Variants in ZNF717 observed in about 807,000 individuals in gnomAD.
ZNF717 encodes the protein krueppel-like factor X17.
ZNF717 carries 9 observed loss-of-function variants against 13.8 expected under a neutral mutation model. That is an observed-to-expected ratio of 0.65 (90% CI 0.39 to 1.14). The LOEUF (loss-of-function observed/expected upper bound fraction) is 1.14, where lower values mean the gene tolerates loss of function less well. Among genes scored for constraint, ZNF717 ranks in the 50% most tolerant of loss-of-function variants. The pLI is 0.01. For synonymous variants in ZNF717, 327 were observed against 364.1 expected (o/e 0.90, Z 1.16); for missense variants, 1,040 against 1,080.7 (o/e 0.96, Z 0.53).
chr3:75,719,629 A>T (rs1350794967), intron 4 of ZNF717, among the ~76,000 whole-genome samples: 3 of 152,188 alleles, frequency 2.0e-5, no homozygotes, highest in African/African-American at 7.2e-5. Context: ...GCCAGGAAGG[A>T]AAAGTATTAA....
chr3:75,731,130 A>G (rs1467724140), downstream of ZNF717, among the ~76,000 whole-genome samples: 2 of 152,060 alleles, frequency 1.3e-5, no homozygotes, highest in Non-Finnish European at 2.9e-5. Context: ...TAACCCCAGC[A>G]CTTCGGGAGC....
At chr3:75,785,333 C>T (rs545287184) in intron 1 of ZNF717, 51 bp downstream of exon 1, 4 of 153,226 alleles carry the variant, frequency 2.6e-5, no homozygotes, top group Non-Finnish European at 4.4e-5. Context: ...GCTTCACTGC[C>T]GGGACCCCAC....
chr3:75,765,035 A>ATATG (rs1559662069), intron 2 of ZNF717, among the ~76,000 whole-genome samples: 1 of 81,784 alleles, frequency 1.2e-5, no homozygotes, highest in South Asian at 3.7e-4. Context: ...ATATATGTAT[A>ATATG]TGTGTGTGTG....
chr3:75,737,670 T>G lies in ZNF717; in HGVS notation c.1953A>C (p.Glu651Asp). Residue 651 changes from glutamate to aspartate, a missense_variant, in exon 5 of 5, where the codon GAA (glutamate) becomes GAC (aspartate). Physicochemically the swap from Glu to Asp is conservative, Grantham distance 45. Around this residue, in one of 3 missense-constraint regions of ZNF717, gnomAD observed 873 missense variants for 832.8 expected, o/e 1.05. Transcript: ENST00000652011. ...ACTTGCGATGAAAGGTTTTTCCACA[T>G]TCATTACATACGTAAGGTTTCTCTC... Reference protein sequence around the residue: ...HTGEKPYVCNECGKTFHRKSF... With the variant: ...HTGEKPYVCNDCGKTFHRKSF... 3 of 583,246 alleles carry G rather than the reference T, an allele frequency of 5.1e-6. No homozygotes were observed. The highest frequency in any genetic ancestry group is 6.5e-6 in the Non-Finnish European group (3 of 462,612). 36.1% of individuals were successfully genotyped at this position (583,246 alleles called of 1,614,324 possible). A position where few individuals can be genotyped will look rare whatever the true frequency, so the allele number is the denominator to read the frequency against.
Position 75,738,960 on chromosome 3 carries a change from C to A in ZNF717, c.663G>T (p.Glu221Asp). The stretch of plus-strand genomic sequence containing the variant: ...CCCTCTTATGTATAAAGAACATTGC[C>A]TCCGTGTTGAAGGTTTTCCCTTGTT... Reference protein sequence around the residue: ...CNEQGKTFNTEAMFFIHKRVH... With the variant: ...CNEQGKTFNTDAMFFIHKRVH... The change falls in exon 5 of 5, where the codon GAG becomes GAT. Residue 221 changes from glutamate (E) to aspartate (D), a missense_variant. Glu to Asp is a conservative substitution (Grantham distance 45). Coordinates refer to ENST00000652011, the MANE Select transcript of ZNF717 (RefSeq NM_001290208.3). The A allele has an allele frequency of 6.4e-7, 1 of 1,551,550 alleles. No homozygotes were observed. The highest frequency in any genetic ancestry group is 8.7e-7 in the Non-Finnish European group (1 of 1,146,952).
At chr3:75,766,966 C>T (rs1454375460) in intron 2 of ZNF717, among the ~76,000 whole-genome samples, 1 of 152,270 alleles carries the variant, frequency 6.6e-6, no homozygotes, top group African/African-American at 2.4e-5. Flanking sequence ...TTCTGGTAGA[C>T]TAAAGGTGAC....
intron 2 of ZNF717, among the ~76,000 whole-genome samples, chr3:75,774,192 A>G (rs1488136053): frequency 6.6e-6 from 1 of 150,868 alleles, no homozygotes; most frequent in Non-Finnish European, 1.5e-5. Context: ...AAACTACCAA[A>G]AAAAAAAAAA....
chr3:75,700,868 C>A (rs1450382484), intron 6 of ZNF717, among the ~76,000 whole-genome samples: 2 of 152,304 alleles, frequency 1.3e-5, no homozygotes, highest in African/African-American at 2.4e-5. Flanking sequence ...CTCTTTAGGG[C>A]ATTGGTTTGG....
downstream of ZNF717, among the ~76,000 whole-genome samples, chr3:75,709,466 G>A (rs796408827): frequency 6.6e-6 from 1 of 152,112 alleles, no homozygotes; most frequent in Non-Finnish European, 1.5e-5. Context: ...GATTTGGAGA[G>A]GGCAAACACC....
downstream of ZNF717, among the ~76,000 whole-genome samples, chr3:75,728,188 C>T (rs1575726583): frequency 6.6e-6 from 1 of 151,846 alleles, no homozygotes; most frequent in Non-Finnish European, 1.5e-5. Flanking sequence ...AAAAATATTG[C>T]TTAGTAAGCA....
At chr3:75,784,642 T>C (rs1313613411) in intron 1 of ZNF717, 2 of 152,262 alleles carry the variant, frequency 1.3e-5, no homozygotes, top group Non-Finnish European at 2.9e-5. Flanking sequence ...TCCTAGGTCC[T>C]TGCCTGTTCT....
intron 2 of ZNF717, among the ~76,000 whole-genome samples, chr3:75,754,858 G>C (rs1225689247): frequency 6.6e-6 from 1 of 151,848 alleles, no homozygotes; most frequent in African/African-American, 2.4e-5. Flanking sequence ...ACACCAGGCA[G>C]GATAAATGCC....
intron 2 of ZNF717, among the ~76,000 whole-genome samples, chr3:75,763,335 T>C (rs1943180755): frequency 6.6e-6 from 1 of 152,262 alleles, no homozygotes; most frequent in African/African-American, 2.4e-5. Context: ...TTCTTACTGG[T>C]TGAGCATCTC....
At chr3:75,716,148 T>G (rs1393239698) in intron 5 of ZNF717, among the ~76,000 whole-genome samples, 8 of 151,106 alleles carry the variant, frequency 5.3e-5, no homozygotes, top group African/African-American at 1.9e-4. Flanking sequence ...TTTTTTTTTT[T>G]TTTTTGTATT....
At chr3:75,778,825 T>C (rs138629171) in intron 2 of ZNF717, among the ~76,000 whole-genome samples, 1,596 of 61,674 alleles carry the variant, frequency 0.026, no homozygotes, top group Middle Eastern at 0.1. Context: ...GAACCCAAAA[T>C]AATGGGAGTG....
intron 2 of ZNF717, among the ~76,000 whole-genome samples, chr3:75,775,978 A>G (rs1399079023): frequency 2.0e-5 from 3 of 151,796 alleles, no homozygotes; most frequent in African/African-American, 7.3e-5. Context: ...ATGCTAAATC[A>G]CCAATACTGA....
intron 4 of ZNF717, among the ~76,000 whole-genome samples, chr3:75,721,122 A>C (rs1938158542): frequency 6.6e-6 from 1 of 152,200 alleles, no homozygotes; most frequent in East Asian, 1.9e-4. Context: ...AGTTAATATA[A>C]TTTAATTGAA....
intron 2 of ZNF717, among the ~76,000 whole-genome samples, chr3:75,765,029 A>ATGTGTG (rs1553680491): frequency 1.1e-4 from 7 of 62,142 alleles, no homozygotes; most frequent in East Asian, 3.9e-4. Flanking sequence ...ATATATATAT[A>ATGTGTG]TGTATATGTG....
intron 2 of ZNF717, among the ~76,000 whole-genome samples, chr3:75,761,592 G>T (rs1325828845): frequency 6.6e-6 from 1 of 152,234 alleles, no homozygotes; most frequent in Non-Finnish European, 1.5e-5. Context: ...ATAAAATTTT[G>T]TTCACAGACA....
Sources: gnomAD v4.1 joint callset for allele counts (sites outside exome capture counted in the v4.1 genomes callset) on GRCh38, gnomAD v4.1.1 for gene constraint, gnomAD v4.1.1 regional missense constraint, MANE v1.5 for transcripts, NCBI Gene and HGNC (gene_info 2026-07-23, HGNC 2026-07-21) for gene names.